DACH2: variants seen among roughly 807,000 people sequenced by gnomAD.
The protein encoded by DACH2 is dachshund homolog 2.
In DACH2, 17 loss-of-function variants were observed where a neutral mutation model predicts 35.8. The observed-to-expected ratio is 0.48, with a 90% CI of 0.33 to 0.71. DACH2 has a LOEUF of 0.71. DACH2 is among the 30% of genes least tolerant of loss of function. The pLI, the probability that DACH2 is intolerant of heterozygous loss-of-function variation, is 0.02. For missense variants in DACH2, 469 were observed against 472.7 expected, an observed-to-expected ratio of 0.99 and a Z score of 0.07; for synonymous variants, 195 against 177.3, an observed-to-expected ratio of 1.10 and a Z score of -0.79.
At chrX:86,208,796 G>A (rs1208986578) in intron 1 of DACH2, among the ~76,000 whole-genome samples, 1 of 111,409 alleles carries the variant, frequency 9.0e-6, no homozygotes, top group Non-Finnish European at 1.9e-5. Flanking sequence ...CTACATTCCA[G>A]CAATTGCGTT....
intron 3 of DACH2, among the ~76,000 whole-genome samples, chrX:86,537,029 A>G (rs765260995): frequency 3.6e-5 from 4 of 111,472 alleles, no homozygotes; most frequent in Non-Finnish European, 7.5e-5. Context: ...CACCATGACA[A>G]GTCTTTGCCT....
intron 2 of DACH2, among the ~76,000 whole-genome samples, chrX:86,457,869 C>T (rs923256062): frequency 2.7e-5 from 3 of 111,598 alleles, no homozygotes; most frequent in African/African-American, 9.8e-5. Flanking sequence ...ACTTTTAAGG[C>T]TTAGTCTGGC....
chrX:86,767,470 T>C (rs781495785), intron 7 of DACH2, among the ~76,000 whole-genome samples: 21 of 111,920 alleles, frequency 1.9e-4, no homozygotes, highest in African/African-American at 6.8e-4. Context: ...AAATGCAGGT[T>C]GGTAGGTGGT....
chrX:86,245,122 G>A (rs1168996131), intron 1 of DACH2, among the ~76,000 whole-genome samples: 1 of 111,733 alleles, frequency 8.9e-6, no homozygotes, highest in Non-Finnish European at 1.9e-5. Context: ...TGTTTTTATA[G>A]CTATTATAAA....
intron 1 of DACH2, among the ~76,000 whole-genome samples, chrX:86,366,713 C>T (rs1412439497): frequency 1.8e-5 from 2 of 110,353 alleles, no homozygotes; most frequent in Non-Finnish European, 1.9e-5. Flanking sequence ...GGGGTAGATC[C>T]CTCATGAATG....
chrX:86,188,187 G>A (rs1297455711), intron 1 of DACH2, among the ~76,000 whole-genome samples: 2 of 112,153 alleles, frequency 1.8e-5, no homozygotes. Flanking sequence ...TGCTAATGAT[G>A]TAACTGGCAG....
intron 1 of DACH2, among the ~76,000 whole-genome samples, chrX:86,210,524 T>A (rs1569303287): frequency 9.0e-6 from 1 of 111,707 alleles, no homozygotes; most frequent in Non-Finnish European, 1.9e-5. Flanking sequence ...TGGACTTTGG[T>A]TTTGCAAACT....
chrX:86,537,931 C>G (rs150133225), intron 3 of DACH2, among the ~76,000 whole-genome samples: 2,025 of 111,098 alleles, frequency 0.018, 49 homozygotes, highest in African/African-American at 0.063. Context: ...AGCTCCCCTA[C>G]TGAGCACCTT....
In DACH2 at chrX:86,376,853, C is replaced by A; in HGVS notation, c.518C>A (p.Ala173Asp). The A allele has an allele frequency of 1.2e-6, 1 of 819,614 alleles. No homozygotes were observed. The highest frequency in any genetic ancestry group is 1.8e-6 in the Non-Finnish European group (1 of 548,997). The allele number at this position is 819,614 out of a possible 1,213,427, so 67.5% of individuals were successfully genotyped here. A position where few individuals can be genotyped will look rare whatever the true frequency, so the allele number is the denominator to read the frequency against. ...RRKRQMTRKQ[A>D]VNSSRPGRPP... Reference sequence around the variant, plus strand: ...AAGAGGCAAATGACAAGAAAACAAGCTGTTAACAGGTATTTATGTATTTAT... The same window carrying A: ...AAGAGGCAAATGACAAGAAAACAAGATGTTAACAGGTATTTATGTATTTAT... Residue 173 changes from alanine to aspartate, a missense_variant, in exon 2 of 12, where the codon GCT becomes GAT. By Grantham distance (126) the Ala-to-Asp change is moderately radical. Coordinates refer to ENST00000373125, the MANE Select transcript of DACH2 (RefSeq NM_053281.3).
chrX:86,193,613 C>A (rs1405755616), intron 1 of DACH2, among the ~76,000 whole-genome samples: 3 of 111,398 alleles, frequency 2.7e-5, no homozygotes, highest in African/African-American at 6.5e-5. Context: ...TGAGTCAGGG[C>A]AAATAGCTGT....
chrX:86,666,910 A>T (rs1381372493), intron 4 of DACH2, among the ~76,000 whole-genome samples: 2 of 109,947 alleles, frequency 1.8e-5, no homozygotes, highest in Non-Finnish European at 3.8e-5. Context: ...GTTAGAAAAC[A>T]CTGAGTTGCT....
intron 2 of DACH2, among the ~76,000 whole-genome samples, chrX:86,474,331 G>T (rs1331972048): frequency 9.0e-6 from 1 of 111,369 alleles, no homozygotes. Flanking sequence ...TTTGTTGATT[G>T]TTTCCTTTGC....
At chrX:86,317,170 A>G (rs776060500) in intron 1 of DACH2, among the ~76,000 whole-genome samples, 1 of 109,933 alleles carries the variant, frequency 9.1e-6, no homozygotes, top group South Asian at 3.9e-4. Context: ...TAAGACTACC[A>G]TTATTAGCGG....
chrX:86,735,926 C>T (rs1481454774), intron 6 of DACH2, among the ~76,000 whole-genome samples: 2 of 111,284 alleles, frequency 1.8e-5, no homozygotes, highest in East Asian at 2.8e-4. Context: ...AAGGCATTAT[C>T]ACTTGTGTTC....
At chrX:86,285,343 T>G (rs918311935) in intron 1 of DACH2, among the ~76,000 whole-genome samples, 8 of 112,028 alleles carry the variant, frequency 7.1e-5, no homozygotes, top group Non-Finnish European at 1.3e-4. Context: ...GTACTGCTAT[T>G]ACTGTATTCC....
At chrX:86,474,360 C>T (rs950741406) in intron 2 of DACH2, among the ~76,000 whole-genome samples, 18 of 111,552 alleles carry the variant, frequency 1.6e-4, no homozygotes, top group African/African-American at 5.5e-4. Flanking sequence ...AGCATTTTAA[C>T]TTGATGTGAT....
chrX:86,634,445 A>G (rs1482315777), intron 3 of DACH2, among the ~76,000 whole-genome samples: 1 of 111,595 alleles, frequency 9.0e-6, no homozygotes, highest in African/African-American at 3.3e-5. Flanking sequence ...TGAAAATTCT[A>G]GCCAGAGCAA....
At chrX:86,553,030 T>C (rs1235876360) in intron 3 of DACH2, among the ~76,000 whole-genome samples, 1 of 110,867 alleles carries the variant, frequency 9.0e-6, no homozygotes, top group Admixed American at 9.7e-5. Flanking sequence ...AGGATAGATG[T>C]ATATATGAAG....
At chrX:86,343,014 C>T (rs147261218) in intron 1 of DACH2, among the ~76,000 whole-genome samples, 1,598 of 111,400 alleles carry the variant, frequency 0.014, 22 homozygotes, top group African/African-American at 0.049. Context: ...GCTTTTTAGA[C>T]ATCATACAGT....
Sources: allele counts gnomAD v4.1 joint callset (sites outside exome capture counted in the v4.1 genomes callset), GRCh38; gene constraint gnomAD v4.1.1; transcripts MANE v1.5; gene names NCBI Gene and HGNC (gene_info 2026-07-23, HGNC 2026-07-21).